NEGR1: variants seen among roughly 807,000 people sequenced by gnomAD.
The protein encoded by NEGR1 is neuronal growth regulator 1.
Under a neutral mutation model 40.9 loss-of-function variants are expected in NEGR1, and 10 were observed. The observed-to-expected ratio is 0.24, with a 90% CI of 0.15 to 0.42. NEGR1 has a LOEUF of 0.42. Among genes scored for constraint, NEGR1 ranks in the 10% least tolerant of loss-of-function variants. The pLI, the probability that NEGR1 is intolerant of heterozygous loss-of-function variation, is 1.00. For synonymous variants in NEGR1, 185 were observed against 166.8 expected, an observed-to-expected ratio of 1.11 and a Z score of -0.84; for missense variants, 352 against 438.9, an observed-to-expected ratio of 0.80 and a Z score of 1.77.
At chr1:71,599,342 G>A (rs1649843540) in intron 5 of NEGR1, among the ~76,000 whole-genome samples, 1 of 152,146 alleles carries the variant, frequency 6.6e-6, no homozygotes, top group Admixed American at 6.5e-5. Context: ...TGACTGAAAA[G>A]ATCATGGCAT....
intron 3 of NEGR1, among the ~76,000 whole-genome samples, chr1:71,773,143 G>A (rs1029122097): frequency 6.6e-6 from 1 of 152,078 alleles, no homozygotes; most frequent in African/African-American, 2.4e-5. Context: ...TCATTTTTCT[G>A]TAAATAAGGG....
chr1:71,924,146 G>A (rs988594759), intron 2 of NEGR1, among the ~76,000 whole-genome samples: 2 of 152,056 alleles, frequency 1.3e-5, no homozygotes, highest in African/African-American at 4.8e-5. Context: ...CAAAGTGCTG[G>A]GATTATAGGC....
chr1:71,591,656 A>G (rs1210507004), intron 6 of NEGR1, among the ~76,000 whole-genome samples: 1 of 152,134 alleles, frequency 6.6e-6, no homozygotes, highest in Non-Finnish European at 1.5e-5. Context: ...TTAAGCAAGC[A>G]TATTATACTA....
intron 1 of NEGR1, among the ~76,000 whole-genome samples, chr1:71,946,959 T>TAGTCCTAA: frequency 6.6e-6 from 1 of 150,996 alleles, no homozygotes; most frequent in African/African-American, 2.4e-5. Context: ...TGTGCTCCTG[T>TAGTCCTAA]AGTCCTAGCT....
intron 6 of NEGR1, among the ~76,000 whole-genome samples, chr1:71,527,661 A>T (rs867149858): frequency 6.6e-6 from 1 of 151,396 alleles, no homozygotes; most frequent in Non-Finnish European, 1.5e-5. Context: ...TGGATTACTT[A>T]TGGGTTTTCT....
chr1:71,911,559 G>A (rs949627952), intron 2 of NEGR1, among the ~76,000 whole-genome samples: 2 of 152,156 alleles, frequency 1.3e-5, no homozygotes, highest in African/African-American at 4.8e-5. Context: ...ATGAGAACAG[G>A]AGCTGTTTTG....
chr1:71,596,811 C>A (rs532198718), intron 5 of NEGR1, among the ~76,000 whole-genome samples: 1 of 152,178 alleles, frequency 6.6e-6, no homozygotes, highest in East Asian at 1.9e-4. Context: ...AGACTTCATT[C>A]CTAATGTAGG....
chr1:71,531,056 A>G (rs1647343103), intron 6 of NEGR1, among the ~76,000 whole-genome samples: 2 of 151,046 alleles, frequency 1.3e-5, no homozygotes, highest in South Asian at 4.1e-4. Flanking sequence ...CCCATTTTAC[A>G]AATGGAAACT....
chr1:71,937,501 C>T (rs1228103399), intron 1 of NEGR1, among the ~76,000 whole-genome samples: 4 of 152,098 alleles, frequency 2.6e-5, no homozygotes, highest in Admixed American at 6.6e-5. Context: ...TTCATAACAA[C>T]TCTTTCAGGG....
intron 1 of NEGR1, among the ~76,000 whole-genome samples, chr1:72,138,799 A>G (rs556967892): frequency 1.3e-3 from 197 of 152,140 alleles, no homozygotes; most frequent in African/African-American, 4.4e-3. Context: ...CCATCTTTCA[A>G]TTAGATAAAA....
Position 71,592,835 on chromosome 1 carries a change from C to T in NEGR1, c.922G>A (p.Ala308Thr). The change falls in exon 6 of 7, where the codon GCG becomes ACG. Residue 308 changes from alanine to threonine, a missense_variant. Ala to Thr is a moderately conservative substitution (Grantham distance 58). Transcript: ENST00000357731. ...TACTTACGGTTAAGAGGCAGGCTCG[C>T]ATTGGTTGTGCCTAGCTTGTTGGCA... ...VAANKLGTTN[A>T]SLPLNPPSTA... The T allele has an allele frequency of 6.2e-7, 1 of 1,613,088 alleles. No homozygotes were observed. Among genetic ancestry groups the T allele is most frequent in the Non-Finnish European group, 8.5e-7 (1 of 1,179,268 alleles).
At chr1:72,178,362 C>T (rs1235275042) in intron 1 of NEGR1, among the ~76,000 whole-genome samples, 1 of 151,888 alleles carries the variant, frequency 6.6e-6, no homozygotes, top group Non-Finnish European at 1.5e-5. Flanking sequence ...CTGAATGTCA[C>T]ACATTCATTG....
At chr1:72,269,595 C>A (rs1017072562) in intron 1 of NEGR1, among the ~76,000 whole-genome samples, 2 of 151,584 alleles carry the variant, frequency 1.3e-5, no homozygotes, top group Non-Finnish European at 3.0e-5. Flanking sequence ...GAGGTTGTTT[C>A]CCCATTTGTA....
chr1:72,169,690 A>G (rs1466249418), intron 1 of NEGR1, among the ~76,000 whole-genome samples: 3 of 152,066 alleles, frequency 2.0e-5, no homozygotes, highest in Non-Finnish European at 4.4e-5. Context: ...TTTATGCCAA[A>G]CTCTCCATTA....
At chr1:72,244,082 A>T (rs1343954338) in intron 1 of NEGR1, among the ~76,000 whole-genome samples, 1 of 151,654 alleles carries the variant, frequency 6.6e-6, no homozygotes, top group Admixed American at 6.6e-5. Flanking sequence ...TTATTTATTT[A>T]TTTTATTCAG....
chr1:72,143,244 CT>C (rs1484476640), intron 1 of NEGR1, among the ~76,000 whole-genome samples: 4 of 151,870 alleles, frequency 2.6e-5, no homozygotes, highest in Admixed American at 1.3e-4. Flanking sequence ...TTAAGAAGAA[CT>C]TTGTTTATAT....
intron 4 of NEGR1, among the ~76,000 whole-genome samples, chr1:71,644,387 C>T (rs1651463302): frequency 6.6e-6 from 1 of 151,978 alleles, no homozygotes. Flanking sequence ...TCTCTCTTTA[C>T]ATTCTCTAGG....
chr1:72,001,975 G>A (rs947423928), intron 1 of NEGR1, among the ~76,000 whole-genome samples: 1 of 151,936 alleles, frequency 6.6e-6, no homozygotes, highest in African/African-American at 2.4e-5. Context: ...TTTCTCAGTG[G>A]TTGACATGAA....
intron 2 of NEGR1, among the ~76,000 whole-genome samples, chr1:71,851,100 T>C (rs1475148334): frequency 6.6e-6 from 1 of 152,162 alleles, no homozygotes; most frequent in Non-Finnish European, 1.5e-5. Context: ...TCCTAACAGA[T>C]AGCTTTGGCT....
Sources: allele counts gnomAD v4.1 joint callset (sites outside exome capture counted in the v4.1 genomes callset), GRCh38; gene constraint gnomAD v4.1.1; transcripts MANE v1.5; gene names NCBI Gene and HGNC (gene_info 2026-07-23, HGNC 2026-07-21).